The following ZNF790 variants were observed in gnomAD, a reference collection of about 807,000 sequenced individuals.
ZNF790 encodes the protein zinc finger protein 790.
In ZNF790, 8 loss-of-function variants were observed where a neutral mutation model predicts 12.1. That is an observed-to-expected ratio of 0.66 (90% confidence interval 0.39 to 1.19). The LOEUF is 1.19. Ranked by LOEUF, ZNF790 falls within the 50% of genes most tolerant of loss-of-function variation. The pLI, the probability that ZNF790 is intolerant of heterozygous loss-of-function variation, is 0.01. For missense variants in ZNF790, 707 were observed against 752.2 expected (o/e 0.94, Z 0.70); for synonymous variants, 252 against 244.3 (o/e 1.03, Z -0.29).
At chr19:36,824,840 A>G (rs540679484) in intron 2 of ZNF790, among the ~76,000 whole-genome samples, 1 of 152,312 alleles carries the variant, frequency 6.6e-6, no homozygotes, top group South Asian at 2.1e-4. Flanking sequence ...GGCCCAGGTA[A>G]CTGTCCTTTG....
In ZNF790 at chr19:36,834,082, A is replaced by G. The variant is rs1348886230; in HGVS notation, c.-74+4255T>C. On this transcript the variant is annotated intron_variant, in intron 1 of 4. Coordinates refer to ENST00000356725, the MANE Select transcript of ZNF790 (RefSeq NM_206894.4). ...ACATGGAGAAACCTTGTCTCTTACT[A>G]AAAATACAAAATTAGCCAGACATGG... 6.6e-5 allele frequency among the ~76,000 whole-genome samples: 10 copies of G among 152,070 alleles called. No individual in the cohort carries two copies. The East Asian group carries it at 1.9e-3, about 29-fold the overall frequency.
chr19:36,828,852 C>A (rs548817036), intron 1 of ZNF790, among the ~76,000 whole-genome samples: 3 of 152,172 alleles, frequency 2.0e-5, no homozygotes, highest in Non-Finnish European at 4.4e-5. Context: ...CAAAGTAAAT[C>A]CCAACCATCA....
At chr19:36,821,005 G>A (rs996010397) in intron 4 of ZNF790, among the ~76,000 whole-genome samples, 1 of 147,478 alleles carries the variant, frequency 6.8e-6, no homozygotes, top group Non-Finnish European at 1.5e-5. Flanking sequence ...CCATTAACTC[G>A]TCATTTAGCA....
chr19:36,834,889 T>G (rs1031305491), intron 1 of ZNF790, among the ~76,000 whole-genome samples: 9 of 152,234 alleles, frequency 5.9e-5, no homozygotes, highest in Non-Finnish European at 1.2e-4. Context: ...GCCATGATCT[T>G]GAGCATGCTA....
chr19:36,848,524 T>C (rs1285075608), intron 1 of ZNF790, among the ~76,000 whole-genome samples: 1 of 152,168 alleles, frequency 6.6e-6, no homozygotes, highest in African/African-American at 2.4e-5. Flanking sequence ...TTAAAAGATG[T>C]TCAGATGGAG....
chr19:36,849,630 C>A (rs528085223), intron 1 of ZNF790, among the ~76,000 whole-genome samples: 97 of 151,730 alleles, frequency 6.4e-4, no homozygotes, highest in African/African-American at 2.3e-3. Context: ...ATGGAGCTTC[C>A]CCCCTTTAAA....
chr19:36,825,733 T>A, intron 1 of ZNF790, 41 bp from the exon 2 acceptor site: 2 of 1,169,376 alleles, frequency 1.7e-6, no homozygotes, highest in South Asian at 1.2e-5. Context: ...TTCTCAGAGC[T>A]CTCAAAGGGA....
chr19:36,823,311 C>T lies in ZNF790; in HGVS notation c.203G>A (p.Arg68Lys), dbSNP rs1331259168. 1 of 1,614,122 alleles carries T rather than the reference C, an allele frequency of 6.2e-7. No homozygotes were observed. The highest frequency in any genetic ancestry group is 8.5e-7 in the Non-Finnish European group (1 of 1,180,038). The change falls in exon 4 of 5, where the codon AGG becomes AAG. Residue 68 changes from arginine (R) to lysine (K), a missense_variant. Transcript: ENST00000356725. ...TGGGCAAGGTCCTCTTGTCTCATCC[C>T]TCAAAATCTTCCAGGGCTCTTTCCC... ...EKGKEPWKILRDETRGPCPDM... is the reference protein window; with the variant it reads ...EKGKEPWKILKDETRGPCPDM...
intron 1 of ZNF790, among the ~76,000 whole-genome samples, chr19:36,826,498 G>A (rs576973373): frequency 2.6e-4 from 39 of 150,902 alleles, no homozygotes; most frequent in Non-Finnish European, 4.6e-4. Flanking sequence ...CAGGAGAATC[G>A]CTTGAACCCA....
At position 36,819,540 on chromosome 19, in the gene ZNF790, T is replaced by C; in HGVS notation, c.804A>G (p.Gln268=). 6.2e-7 allele frequency: 1 copy of C among 1,612,862 alleles called. No homozygotes were observed. The highest frequency in any genetic ancestry group is 8.5e-7 in the Non-Finnish European group (1 of 1,179,338). The change falls in exon 5 of 5, where the codon CAA becomes CAG. Residue 268 remains glutamine (Q), a synonymous_variant. Transcript: ENST00000356725. ...DCGKAFRFHS[Q]LSVHKRIHTG... is the part of the protein sequence containing the mutation. ...TATGAATTCGCTTATGGACACTAAG[T>C]TGTGAATGAAATCTAAAGGCTTTCC...
Position 36,818,079 on chromosome 19 carries a change from T to A in ZNF790, c.*354A>T, listed in dbSNP as rs2071584044. 1 of 161,966 alleles carries A rather than the reference T, an allele frequency of 6.2e-6. No individual in the cohort carries two copies. The highest frequency in any genetic ancestry group is 5.9e-5 in the Admixed American group (1 of 16,842). 10.0% of individuals were successfully genotyped at this position (161,966 alleles called of 1,614,324 possible). A position where few individuals can be genotyped will look rare whatever the true frequency, so the allele number is the denominator to read the frequency against. ...CTCAGGTGATCCACCCACCTCTGTT[T>A]CCCAAAGTGCTAGGATAACAGGTGT... On this transcript the variant is annotated 3_prime_UTR_variant, in exon 5 of 5. Transcript: ENST00000356725.
At chr19:36,833,177 C>G (rs933205906) in intron 1 of ZNF790, among the ~76,000 whole-genome samples, 3 of 152,202 alleles carry the variant, frequency 2.0e-5, no homozygotes, top group Admixed American at 6.5e-5. Context: ...GAGTCTCGCT[C>G]TGTCACCCAG....
chr19:36,825,128 C>G (rs2071769214), intron 2 of ZNF790, among the ~76,000 whole-genome samples: 2 of 152,132 alleles, frequency 1.3e-5, no homozygotes, highest in South Asian at 2.1e-4. Flanking sequence ...CCTGGAAAAT[C>G]CCAGATCTCT....
At chr19:36,837,282 A>G (rs748870985) in intron 1 of ZNF790, among the ~76,000 whole-genome samples, 8 of 152,140 alleles carry the variant, frequency 5.3e-5, no homozygotes, top group African/African-American at 7.2e-5. Flanking sequence ...TTTATCTTCA[A>G]CCACTTCCTT....
upstream of ZNF790, among the ~76,000 whole-genome samples, chr19:36,841,950 G>GC (rs563812054): frequency 2.0e-4 from 31 of 152,086 alleles, no homozygotes; most frequent in South Asian, 6.4e-3. Context: ...CTGGCCTGAA[G>GC]CGCCCCTCCC....
At chr19:36,831,261 G>A (rs1002420319) in intron 1 of ZNF790, among the ~76,000 whole-genome samples, 1 of 151,952 alleles carries the variant, frequency 6.6e-6, no homozygotes, top group African/African-American at 2.4e-5. Flanking sequence ...CAACATTTCA[G>A]TCTGAATTAA....
chr19:36,823,614 A>G, intron 3 of ZNF790, 53 bp downstream of exon 3: 1 of 1,584,664 alleles, frequency 6.3e-7, no homozygotes, highest in South Asian at 1.2e-5. Context: ...AAGACAATAA[A>G]AAAAATCACA....
chr19:36,842,773 A>C (rs2072141100), upstream of ZNF790, among the ~76,000 whole-genome samples: 1 of 151,882 alleles, frequency 6.6e-6, no homozygotes, highest in Non-Finnish European at 1.5e-5. Context: ...TGGGAGGCTG[A>C]GGCAGGTGAA....
At chr19:36,831,861 G>A (rs562220197) in intron 1 of ZNF790, among the ~76,000 whole-genome samples, 4 of 152,082 alleles carry the variant, frequency 2.6e-5, no homozygotes, top group Non-Finnish European at 5.9e-5. Flanking sequence ...AGGTGAAAAT[G>A]AACCAAAATA....
Sources: gnomAD v4.1 joint callset for allele counts (sites outside exome capture counted in the v4.1 genomes callset) on GRCh38, gnomAD v4.1.1 for gene constraint, MANE v1.5 for transcripts, NCBI Gene and HGNC (gene_info 2026-07-23, HGNC 2026-07-21) for gene names.